SBF2: variants seen among roughly 807,000 people sequenced by gnomAD.
The protein encoded by SBF2 is myotubularin-related protein 13.
SBF2 carries 112 observed loss-of-function variants against 225.2 expected under a neutral mutation model. The observed-to-expected ratio is 0.50, with a 90% CI of 0.43 to 0.58. The LOEUF is 0.58. SBF2 is among the 20% of genes least tolerant of loss of function. The pLI is 0.00. For missense variants in SBF2, 1,996 were observed against 2,206.2 expected, an observed-to-expected ratio of 0.90 and a Z score of 1.91; for synonymous variants, 763 against 773.3, an observed-to-expected ratio of 0.99 and a Z score of 0.22.
intron 1 of SBF2, among the ~76,000 whole-genome samples, chr11:10,221,971 A>T (rs974360110): frequency 6.6e-6 from 1 of 152,214 alleles, no homozygotes; most frequent in Non-Finnish European, 1.5e-5. Flanking sequence ...GGAAGAAGAG[A>T]CCCAGAAAGG....
intron 16 of SBF2, among the ~76,000 whole-genome samples, chr11:9,934,334 A>T (rs546902415): frequency 2.0e-4 from 30 of 152,330 alleles, no homozygotes; most frequent in African/African-American, 7.0e-4. Flanking sequence ...CAACAAAAAA[A>T]GTCCAGAAGC....
chr11:9,918,381 C>G (rs1023578071), intron 16 of SBF2, among the ~76,000 whole-genome samples: 1 of 151,878 alleles, frequency 6.6e-6, no homozygotes, highest in Non-Finnish European at 1.5e-5. Flanking sequence ...GAGACAGGGT[C>G]TCACTTTATG....
intron 2 of SBF2, among the ~76,000 whole-genome samples, chr11:10,165,464 G>A (rs565110002): frequency 3.9e-5 from 6 of 152,288 alleles, no homozygotes; most frequent in South Asian, 2.1e-4. Context: ...GCAATAGTTG[G>A]CACTAGTTTC....
chr11:10,260,702 CAAAA>C (rs56816687), intron 1 of SBF2, among the ~76,000 whole-genome samples: 1 of 60,876 alleles, frequency 1.6e-5, no homozygotes. Flanking sequence ...GATTCCATCT[CAAAA>C]AAAAAAAAAA....
upstream of SBF2, among the ~76,000 whole-genome samples, chr11:10,295,985 T>C (rs1964525212): frequency 6.6e-6 from 1 of 152,144 alleles, no homozygotes; most frequent in African/African-American, 2.4e-5. Flanking sequence ...GTCTATCTAG[T>C]TACAAAACAT....
At chr11:10,125,350 G>C (rs1023483427) in intron 2 of SBF2, among the ~76,000 whole-genome samples, 3 of 151,562 alleles carry the variant, frequency 2.0e-5, no homozygotes, top group Non-Finnish European at 2.9e-5. Flanking sequence ...TCTTCATTAA[G>C]TTTTTTTTGT....
chr11:10,247,801 G>C (rs1959956869), intron 1 of SBF2, among the ~76,000 whole-genome samples: 1 of 152,104 alleles, frequency 6.6e-6, no homozygotes, highest in Non-Finnish European at 1.5e-5. Flanking sequence ...ACACCAAATT[G>C]AACAACTATC....
At chr11:9,913,949 G>A (rs1436158383) in intron 16 of SBF2, among the ~76,000 whole-genome samples, 1 of 152,156 alleles carries the variant, frequency 6.6e-6, no homozygotes, top group African/African-American at 2.4e-5. Flanking sequence ...CCATCCACCT[G>A]CTCTGGACTC....
chr11:10,073,882 GT>G lies in SBF2; in HGVS notation c.142-30902del, dbSNP rs530220852. Among the ~76,000 whole-genome samples the G allele has an allele frequency of 4.8e-4, 73 of 152,290 alleles. 1 individual carries two copies. Among genetic ancestry groups the G allele is most frequent in the South Asian group, 8.3e-4 (4 of 4,826 alleles). On this transcript the variant is annotated intron_variant, in intron 2 of 39. Coordinates refer to ENST00000256190, the MANE Select transcript of SBF2 (RefSeq NM_030962.4). ...TGGGGAAATATAAAGACTGCAGATGGTTGGTGATATTATTACTTATGTTTTA... is the reference window on the plus strand; with the variant it reads ...TGGGGAAATATAAAGACTGCAGATGGTGGTGATATTATTACTTATGTTTTA...
chr11:10,063,300 A>G, intron 2 of SBF2, among the ~76,000 whole-genome samples: 2 of 151,442 alleles, frequency 1.3e-5, no homozygotes, highest in Non-Finnish European at 2.9e-5. Context: ...AAACCTTCAC[A>G]TGTACCCTCT....
chr11:10,208,932 T>C (rs1020391286), intron 1 of SBF2, among the ~76,000 whole-genome samples: 102 of 152,250 alleles, frequency 6.7e-4, no homozygotes, highest in African/African-American at 2.3e-3. Flanking sequence ...GACTAGTACA[T>C]AGCAAGTGCT....
At chr11:9,825,368 C>G (rs1198207414) in intron 28 of SBF2, among the ~76,000 whole-genome samples, 1 of 152,148 alleles carries the variant, frequency 6.6e-6, no homozygotes, top group African/African-American at 2.4e-5. Context: ...CAGAAGGAAC[C>G]AACTCCCTGA....
chr11:10,108,648 C>T (rs1344531422), intron 2 of SBF2, among the ~76,000 whole-genome samples: 2 of 150,618 alleles, frequency 1.3e-5, no homozygotes, highest in East Asian at 2.0e-4. Context: ...CCTCAGCCTC[C>T]CGAGTAGCTG....
intron 1 of SBF2, among the ~76,000 whole-genome samples, chr11:10,243,202 T>G (rs1011555064): frequency 1.3e-5 from 2 of 151,622 alleles, no homozygotes; most frequent in African/African-American, 4.8e-5. Flanking sequence ...TATGTGGAAA[T>G]TAAACAATAT....
chr11:10,265,508 G>GA (rs1961898973), intron 1 of SBF2, among the ~76,000 whole-genome samples: 1 of 93,594 alleles, frequency 1.1e-5, no homozygotes, highest in Non-Finnish European at 2.1e-5. Flanking sequence ...GGGGGGAGAG[G>GA]TGGGGGGGTA....
chr11:9,846,552 T>G (rs552536651), intron 23 of SBF2, among the ~76,000 whole-genome samples: 4 of 152,230 alleles, frequency 2.6e-5, no homozygotes, highest in Non-Finnish European at 2.9e-5. Context: ...CTAGTACCAA[T>G]AGAACTTTAG....
chr11:10,028,587 C>CA (rs1266473126), intron 5 of SBF2, 30 bp from the exon 6 acceptor site: 1 of 1,355,688 alleles, frequency 7.4e-7, no homozygotes, highest in Non-Finnish European at 1.1e-6. Context: ...CAAACACACA[C>CA]ACACACGATT....
At chr11:10,233,057 C>T (rs1279659439) in intron 1 of SBF2, among the ~76,000 whole-genome samples, 7 of 152,152 alleles carry the variant, frequency 4.6e-5, no homozygotes, top group African/African-American at 1.7e-4. Context: ...ATGGTCTACA[C>T]CTCCCTTTTA....
chr11:10,217,123 CAATATTA>C (rs1227769371), intron 1 of SBF2, among the ~76,000 whole-genome samples: 3 of 151,944 alleles, frequency 2.0e-5, no homozygotes, highest in Non-Finnish European at 4.4e-5. Context: ...TCTAGACTGA[CAATATTA>C]AATATTAACA....
Sources: allele counts gnomAD v4.1 joint callset (sites outside exome capture counted in the v4.1 genomes callset), GRCh38; gene constraint gnomAD v4.1.1; transcripts MANE v1.5; gene names NCBI Gene and HGNC (gene_info 2026-07-23, HGNC 2026-07-21).